Variants in TRPM6 observed in about 807,000 individuals in gnomAD.
TRPM6 encodes transient receptor potential cation channel subfamily M member 6, also known as channel kinase 2.
In TRPM6, 111 loss-of-function variants were observed where a neutral mutation model predicts 247.6. The ratio of observed to expected loss-of-function variants is 0.45; its 90% CI spans 0.38 to 0.52. The LOEUF is 0.52. Ranked by LOEUF, TRPM6 falls within the 20% of genes least tolerant of loss-of-function variation. TRPM6 has a pLI of 0.00. For synonymous variants in TRPM6, 892 were observed against 853.8 expected (o/e 1.04, Z -0.78); for missense variants, 2,126 against 2,421.5 (o/e 0.88, Z 2.56).
chr9:74,789,262 T>G (rs1240713270), intron 19 of TRPM6, among the ~76,000 whole-genome samples: 1 of 152,232 alleles, frequency 6.6e-6, no homozygotes, highest in Admixed American at 6.5e-5. Flanking sequence ...GTGAGCCCTT[T>G]TAATTAAGGA....
chr9:74,782,957 G>A, intron 21 of TRPM6, 104 bp from the exon 22 acceptor site: 1 of 1,136,620 alleles, frequency 8.8e-7, no homozygotes, highest in Non-Finnish European at 1.3e-6. Flanking sequence ...TAATAAGATT[G>A]TCTAGTCATT....
chr9:74,793,713 G>C (rs991169626), intron 18 of TRPM6, among the ~76,000 whole-genome samples: 14 of 152,180 alleles, frequency 9.2e-5, no homozygotes, highest in South Asian at 6.2e-4. Flanking sequence ...CATCCCCACT[G>C]ATTTATAGCA....
intron 37 of TRPM6, among the ~76,000 whole-genome samples, chr9:74,730,121 AT>A (rs1328969288): frequency 6.6e-6 from 1 of 152,208 alleles, no homozygotes; most frequent in African/African-American, 2.4e-5. Flanking sequence ...TTTAAAAAAA[AT>A]ACAAGTAGCT....
chr9:74,735,457 T>G (rs995935925), intron 36 of TRPM6, among the ~76,000 whole-genome samples: 1 of 152,104 alleles, frequency 6.6e-6, no homozygotes, highest in African/African-American at 2.4e-5. Context: ...AGCTACCAAT[T>G]TATGTAGCTT....
intron 7 of TRPM6, among the ~76,000 whole-genome samples, chr9:74,823,345 C>CT (rs1000687906): frequency 9.9e-5 from 15 of 152,188 alleles, no homozygotes; most frequent in African/African-American, 3.6e-4. Flanking sequence ...AAACTCAAGT[C>CT]TGGCCTTCCA....
intron 3 of TRPM6, among the ~76,000 whole-genome samples, chr9:74,852,473 CTCTCCCTCTCCG>C (rs929326374): frequency 3.2e-4 from 48 of 150,760 alleles, no homozygotes; most frequent in African/African-American, 1.1e-3. Context: ...CTCCCTCTCC[CTCTCCCTCTCCG>C]TCTCCGTCTC....
chr9:74,796,784 T>C lies in TRPM6; in HGVS notation c.2348A>G (p.Tyr783Cys). The stretch of plus-strand genomic sequence containing the variant: ...GGAACTGCTGGCGTTCTGGTCACTG[T>C]AATACCACATAAATTGGAAGTCCTG... ...QSQDFQFMWYYSDQNASSSKE... is the reference protein window; with the variant it reads ...QSQDFQFMWYCSDQNASSSKE... Residue 783 changes from tyrosine to cysteine, a missense_variant, in exon 18 of 39, where the codon TAC becomes TGC. Tyr to Cys is a radical substitution (Grantham distance 194). Around this residue, in one of 3 missense-constraint regions of TRPM6, gnomAD observed 1,082 missense variants for 1,307.9 expected, o/e 0.83. Transcript: ENST00000360774. 1 of 1,614,054 alleles carries C rather than the reference T, an allele frequency of 6.2e-7. No homozygotes were observed. Among genetic ancestry groups the C allele is most frequent in the Non-Finnish European group, 8.5e-7 (1 of 1,179,930 alleles).
At position 74,821,893 on chromosome 9, in the gene TRPM6, C is replaced by T. The variant is rs555360594; in HGVS notation, c.842-56G>A. 15 of 1,602,612 alleles carry T rather than the reference C, an allele frequency of 9.4e-6. 1 individual carries two copies. The highest frequency in any genetic ancestry group is 6.8e-5 in the Admixed American group (4 of 58,866). On this transcript the variant is annotated intron_variant, in intron 7 of 38. Coordinates refer to ENST00000360774, the MANE Select transcript of TRPM6 (RefSeq NM_017662.5). ...TTAGAGAATCCCTAGCTCAGCCAGTCGGCCGTTTTGACTTCCAGACACAAG... is the reference window on the plus strand; with the variant it reads ...TTAGAGAATCCCTAGCTCAGCCAGTTGGCCGTTTTGACTTCCAGACACAAG...
chr9:74,770,401 T>A (rs909648202), intron 25 of TRPM6, among the ~76,000 whole-genome samples: 1 of 152,174 alleles, frequency 6.6e-6, no homozygotes, highest in Non-Finnish European at 1.5e-5. Context: ...AATTCTGTTT[T>A]AAAAAAATGC....
In TRPM6 at chr9:74,723,891, TA is replaced by T. The variant is rs1479470369; in HGVS notation, c.*721del. On this transcript the variant is annotated 3_prime_UTR_variant, in exon 39 of 39. Coordinates refer to ENST00000360774, the MANE Select transcript of TRPM6 (RefSeq NM_017662.5). ...ATATATTCCATATATATTATATATATAAAAATATATATAATATACATATTCC... is the reference window on the plus strand; with the variant it reads ...ATATATTCCATATATATTATATATATAAAATATATATAATATACATATTCC... 6 of 145,714 alleles carry T rather than the reference TA, an allele frequency of 4.1e-5. No homozygotes were observed. The highest frequency in any genetic ancestry group is 2.1e-4 in the South Asian group (1 of 4,770). 9.0% of individuals were successfully genotyped at this position (145,714 alleles called of 1,614,324 possible).
In TRPM6 at chr9:74,816,941, A is replaced by C. The variant is rs1242484320; in HGVS notation, c.1158T>G (p.Ser386=). The part of the protein sequence containing the change: ...RDCITIFDAD[S]EEQQDLDLAI... ...CTAAGTCCAGGTCTTGCTGCTCTTC[A>C]GAGTCAGCATCAAATATGGTAATCT... Residue 386 remains serine, a synonymous_variant, in exon 10 of 39, where the codon TCT becomes TCG. Coordinates refer to ENST00000360774, the MANE Select transcript of TRPM6 (RefSeq NM_017662.5). 3.1e-6 allele frequency: 5 copies of C among 1,614,154 alleles called. No individual in the cohort carries two copies. Among genetic ancestry groups the C allele is most frequent in the Non-Finnish European group, 3.4e-6 (4 of 1,179,994 alleles).
At position 74,805,259 on chromosome 9, in the gene TRPM6, T is replaced by C. The variant is rs114923800; in HGVS notation, c.1639-1373A>G. On this transcript the variant is annotated intron_variant, in intron 14 of 38. Coordinates refer to ENST00000360774, the MANE Select transcript of TRPM6 (RefSeq NM_017662.5). ...TCATTCTCCTAGGAAGAAATACAGA[T>C]TCATTTTCACCTTGCTATTGATTTG... Among the ~76,000 whole-genome samples, 1,416 of 152,324 alleles carry C rather than the reference T, an allele frequency of 9.3e-3. 15 individuals are homozygous for C. Among genetic ancestry groups the C allele is most frequent in the African/African-American group, 0.028 (1,183 of 41,574 alleles).
At chr9:74,766,069 T>C (rs1826816031) in intron 25 of TRPM6, among the ~76,000 whole-genome samples, 1 of 152,220 alleles carries the variant, frequency 6.6e-6, no homozygotes, top group Non-Finnish European at 1.5e-5. Flanking sequence ...AACTGTTTCA[T>C]CTAATTCAAA....
chr9:74,848,104 T>G, intron 3 of TRPM6, among the ~76,000 whole-genome samples: 1 of 152,250 alleles, frequency 6.6e-6, no homozygotes, highest in East Asian at 1.9e-4. Flanking sequence ...TGAATTTCTT[T>G]TTCTTTCTTC....
intron 1 of TRPM6, among the ~76,000 whole-genome samples, chr9:74,879,465 CAGGTGTGTT>C (rs1453339808): frequency 2.0e-5 from 3 of 152,108 alleles, no homozygotes; most frequent in South Asian, 4.2e-4. Flanking sequence ...GTTATAATGT[CAGGTGTGTT>C]AGGCCTCAGG....
At chr9:74,728,139 G>C in intron 38 of TRPM6, 100 bp downstream of exon 38, 1 of 960,262 alleles carries the variant, frequency 1.0e-6, no homozygotes, top group South Asian at 1.4e-5. Flanking sequence ...CGGTGAATGA[G>C]ATAAAAATGT....
intron 27 of TRPM6, among the ~76,000 whole-genome samples, chr9:74,760,858 T>C (rs1469885464): frequency 6.6e-6 from 1 of 152,152 alleles, no homozygotes; most frequent in South Asian, 2.1e-4. Context: ...ACTAATGGAT[T>C]ATGGAGGGGA....
chr9:74,815,715 T>C (rs537895406), intron 11 of TRPM6, among the ~76,000 whole-genome samples: 1 of 152,246 alleles, frequency 6.6e-6, no homozygotes, highest in Admixed American at 6.5e-5. Flanking sequence ...TATTTAGAAA[T>C]ATGGAGATTT....
chr9:74,788,825 C>T, intron 19 of TRPM6, 83 bp from the exon 20 acceptor site: 1 of 1,528,016 alleles, frequency 6.5e-7, no homozygotes, highest in Non-Finnish European at 8.9e-7. Context: ...AGCAGAAACC[C>T]AGGCATGAAC....
Sources: allele counts gnomAD v4.1 joint callset (sites outside exome capture counted in the v4.1 genomes callset), GRCh38; gene constraint gnomAD v4.1.1; regional missense constraint gnomAD v4.1.1; transcripts MANE v1.5; gene names NCBI Gene and HGNC (gene_info 2026-07-23, HGNC 2026-07-21).